The following FBXW2 variants were observed in gnomAD, a reference collection of about 807,000 sequenced individuals.
FBXW2 encodes the protein F-box and WD repeat domain containing 2.
A neutral mutation model predicts 46.0 loss-of-function variants in FBXW2; 12 were observed. That is an observed-to-expected ratio of 0.26 (90% CI 0.17 to 0.42). The LOEUF (loss-of-function observed/expected upper bound fraction) is 0.42, where lower values mean the gene tolerates loss of function less well. FBXW2 is among the 10% of genes least tolerant of loss of function. FBXW2 has a pLI of 1.00. For missense variants in FBXW2, 360 were observed against 537.0 expected, an observed-to-expected ratio of 0.67 and a Z score of 3.26; for synonymous variants, 203 against 209.6, an observed-to-expected ratio of 0.97 and a Z score of 0.27.
intron 3 of FBXW2, 87 bp downstream of exon 3, chr9:120,787,682 T>C: frequency 3.5e-6 from 5 of 1,410,104 alleles, no homozygotes; most frequent in Non-Finnish European, 4.8e-6. Flanking sequence ...AATCAACACT[T>C]GTCATTCTCA....
chr9:120,764,432 G>A lies in FBXW2; in HGVS notation c.*127C>T. On this transcript the variant is annotated 3_prime_UTR_variant, in exon 8 of 8. Transcript: ENST00000608872. ...GGCCCCTGGCAAAACATAGATAAAT[G>A]ATTGTGCACTGCGTGATGATACCAT... is the stretch of plus-strand genomic sequence containing the variant. 9.3e-7 allele frequency: 1 copy of A among 1,073,190 alleles called. No homozygotes were observed. The highest frequency in any genetic ancestry group is 1.4e-6 in the Non-Finnish European group (1 of 736,992). The allele number at this position is 1,073,190 out of a possible 1,614,324, so 66.5% of individuals were successfully genotyped here.
intron 7 of FBXW2, among the ~76,000 whole-genome samples, chr9:120,770,232 C>G (rs577618205): frequency 6.6e-6 from 1 of 152,030 alleles, no homozygotes; most frequent in Non-Finnish European, 1.5e-5. Flanking sequence ...AAAAATTAGC[C>G]GGGCATGGTG....
intron 2 of FBXW2, among the ~76,000 whole-genome samples, chr9:120,788,762 T>G (rs2044772894): frequency 6.6e-6 from 1 of 152,180 alleles, no homozygotes; most frequent in Non-Finnish European, 1.5e-5. Context: ...AGCAGTAACC[T>G]GAGACACTGA....
intron 3 of FBXW2, among the ~76,000 whole-genome samples, chr9:120,782,322 CA>C (rs1266964078): frequency 6.6e-6 from 1 of 151,858 alleles, no homozygotes; most frequent in African/African-American, 2.4e-5. Flanking sequence ...AAAAATTAGC[CA>C]GACACGGTGG....
chr9:120,779,248 G>T (rs150877586), intron 3 of FBXW2, among the ~76,000 whole-genome samples: 7 of 152,286 alleles, frequency 4.6e-5, no homozygotes, highest in African/African-American at 1.7e-4. Context: ...TGACAATTCA[G>T]GACTTTGCTT....
At chr9:120,776,477 C>A (rs914337574) in intron 4 of FBXW2, 7 of 413,532 alleles carry the variant, frequency 1.7e-5, no homozygotes, top group Non-Finnish European at 3.0e-5. Flanking sequence ...CAGTGAGAGG[C>A]AAAACAAATG....
At position 120,764,825 on chromosome 9, in the gene FBXW2, C is replaced by G. The variant is rs1017790783; in HGVS notation, c.1099G>C (p.Ala367Pro). 2.5e-6 allele frequency: 4 copies of G among 1,592,786 alleles called. No homozygotes were observed. The highest frequency in any genetic ancestry group is 3.4e-6 in the Non-Finnish European group (4 of 1,167,476). The change falls in exon 8 of 8, where the codon GCA (alanine) becomes CCA (proline). Residue 367 changes from alanine to proline, a missense_variant. Coordinates refer to ENST00000608872, the MANE Select transcript of FBXW2 (RefSeq NM_012164.4). ...CCAAAGCCAAGCAAGGCCAAGTTTG[C>G]TATCTCAGGAGTCTTGATGACCCTA... The part of the protein sequence containing the change: ...ILRVIKTPEI[A>P]NLALLGFGDI...
chr9:120,775,081 A>G (rs2044464046), intron 5 of FBXW2, among the ~76,000 whole-genome samples: 1 of 151,178 alleles, frequency 6.6e-6, no homozygotes, highest in African/African-American at 2.4e-5. Context: ...TTTTTTTGAA[A>G]GAGTCTCACT....
intron 5 of FBXW2, among the ~76,000 whole-genome samples, chr9:120,774,008 C>G (rs1225475416): frequency 6.6e-6 from 1 of 151,758 alleles, no homozygotes; most frequent in African/African-American, 2.4e-5. Flanking sequence ...CTGGGCAACA[C>G]AGCAAGACCC....
chr9:120,757,788 T>C lies in FBXW2; in HGVS notation c.*6771A>G, dbSNP rs1163024697. 6.6e-6 allele frequency: 1 copy of C among 152,186 alleles called. No homozygotes were observed. Among genetic ancestry groups the C allele is most frequent in the Non-Finnish European group, 1.5e-5 (1 of 68,034 alleles). 9.4% of individuals were successfully genotyped at this position (152,186 alleles called of 1,614,324 possible). The stretch of plus-strand genomic sequence containing the variant: ...ACATCCCACTGGCAGGGACTACTCA[T>C]GTCTAATCACAGTGTGATCATTAAA... On this transcript the variant is annotated 3_prime_UTR_variant, in exon 8 of 8. Coordinates refer to ENST00000608872, the MANE Select transcript of FBXW2 (RefSeq NM_012164.4).
At chr9:120,791,445 G>C (rs1169040557) in intron 2 of FBXW2, among the ~76,000 whole-genome samples, 2 of 152,204 alleles carry the variant, frequency 1.3e-5, no homozygotes, top group Admixed American at 1.3e-4. Flanking sequence ...TAACTTTTAA[G>C]CTTCAGTTTT....
intron 3 of FBXW2, among the ~76,000 whole-genome samples, chr9:120,780,540 A>C (rs1412647218): frequency 6.6e-6 from 1 of 152,158 alleles, no homozygotes; most frequent in African/African-American, 2.4e-5. Context: ...AGTACTCAAA[A>C]ACCACATGGC....
At chr9:120,782,023 C>CAAA (rs35159726) in intron 3 of FBXW2, among the ~76,000 whole-genome samples, 2 of 76,358 alleles carry the variant, frequency 2.6e-5, no homozygotes, top group Admixed American at 1.3e-4. Flanking sequence ...AACTCCGTCT[C>CAAA]AAAAAAAAAA....
rs2044233354 is a variant in FBXW2 at position 120,764,106 on chromosome 9, C to T, written c.*453G>A. ...ACTGGCTCTTATAAGAGCTAAACCCCGTGTGAGGAAAGTTGCTGTAACAAC... is the reference window on the plus strand; with the variant it reads ...ACTGGCTCTTATAAGAGCTAAACCCTGTGTGAGGAAAGTTGCTGTAACAAC... On this transcript the variant is annotated 3_prime_UTR_variant, in exon 8 of 8. Transcript: ENST00000608872. 9.8e-6 allele frequency: 3 copies of T among 305,146 alleles called. No individual in the cohort carries two copies. In the South Asian group the frequency reaches 4.8e-4, roughly 48 times the overall value. 18.9% of individuals were successfully genotyped at this position (305,146 alleles called of 1,614,324 possible). A position where few individuals can be genotyped will look rare whatever the true frequency, so the allele number is the denominator to read the frequency against.
In FBXW2 at chr9:120,764,504, C is replaced by A; in HGVS notation, c.*55G>T. 1 of 1,572,554 alleles carries A rather than the reference C, an allele frequency of 6.4e-7. No homozygotes were observed. The highest frequency in any genetic ancestry group is 8.7e-7 in the Non-Finnish European group (1 of 1,153,300). On this transcript the variant is annotated 3_prime_UTR_variant, in exon 8 of 8. Transcript: ENST00000608872. Reference sequence around the variant, plus strand: ...GCAGTCGGCTGCCGCAGAGGTTGCACCCAAAACCCGCAGCCCCGGCACCCA... The same window carrying A: ...GCAGTCGGCTGCCGCAGAGGTTGCAACCAAAACCCGCAGCCCCGGCACCCA...
chr9:120,790,315 T>A (rs1453229213), intron 2 of FBXW2, among the ~76,000 whole-genome samples: 1 of 152,034 alleles, frequency 6.6e-6, no homozygotes, highest in Non-Finnish European at 1.5e-5. Context: ...AAACCCCATC[T>A]CTACTAAAAA....
intron 3 of FBXW2, among the ~76,000 whole-genome samples, chr9:120,783,348 G>A (rs1403504958): frequency 1.3e-5 from 2 of 151,982 alleles, no homozygotes; most frequent in Admixed American, 6.6e-5. Flanking sequence ...TTTTCAAAGA[G>A]GTCACCAGTG....
At chr9:120,775,220 T>G (rs1481094548) in intron 5 of FBXW2, among the ~76,000 whole-genome samples, 1 of 152,142 alleles carries the variant, frequency 6.6e-6, no homozygotes, top group African/African-American at 2.4e-5. Context: ...ATTTTTGTAC[T>G]TTCAGTAGCG....
chr9:120,776,262 T>C (rs751235260), intron 4 of FBXW2, 36 bp from the exon 5 acceptor site: 2 of 1,605,070 alleles, frequency 1.2e-6, no homozygotes, highest in Non-Finnish European at 1.7e-6. Flanking sequence ...AAAACATGTC[T>C]CTGTCAGTGG....
Sources: gnomAD v4.1 joint callset for allele counts (sites outside exome capture counted in the v4.1 genomes callset) on GRCh38, gnomAD v4.1.1 for gene constraint, MANE v1.5 for transcripts, NCBI Gene and HGNC (gene_info 2026-07-23, HGNC 2026-07-21) for gene names.